The following PRIM2 variants were observed in gnomAD, a reference collection of about 807,000 sequenced individuals.
PRIM2 encodes the protein DNA primase large subunit.
PRIM2 carries 39 observed loss-of-function variants against 67.3 expected under a neutral mutation model. The observed-to-expected ratio is 0.58, with a 90% CI of 0.45 to 0.76. The LOEUF (loss-of-function observed/expected upper bound fraction) is 0.76, where lower values mean the gene tolerates loss of function less well. Among genes scored for constraint, PRIM2 ranks in the 30% least tolerant of loss-of-function variants. The probability of loss-of-function intolerance (pLI) is 0.00; values close to 1 mark genes in which losing one functional copy is unlikely to be tolerated. For synonymous variants in PRIM2, 143 were observed against 198.7 expected, an observed-to-expected ratio of 0.72 and a Z score of 2.36; for missense variants, 398 against 598.7, an observed-to-expected ratio of 0.66 and a Z score of 3.50.
At chr6:57,254,855 TTAGTTA>T in the PRIM2 span, among the ~76,000 whole-genome samples, 3 of 152,160 alleles carry the variant, frequency 2.0e-5, no homozygotes, top group African/African-American at 7.2e-5. Flanking sequence ...GATTCAGATC[TTAGTTA>T]TAGATTAGAA....
At chr6:57,298,323 T>G in the PRIM2 span, among the ~76,000 whole-genome samples, 1 of 152,086 alleles carries the variant, frequency 6.6e-6, no homozygotes, top group Non-Finnish European at 1.5e-5. Flanking sequence ...ATTGCGCCAT[T>G]GCACTCCATC....
intron 10 of PRIM2, among the ~76,000 whole-genome samples, chr6:57,539,931 T>C (rs1272589406): frequency 6.6e-6 from 1 of 150,862 alleles, no homozygotes; most frequent in Non-Finnish European, 1.5e-5. Flanking sequence ...GAGGTGGAGG[T>C]TGCAGTGAGC....
At chr6:57,496,616 T>C (rs1252436591) in intron 7 of PRIM2, among the ~76,000 whole-genome samples, 2 of 152,208 alleles carry the variant, frequency 1.3e-5, no homozygotes, top group African/African-American at 4.8e-5. Context: ...CTGGAAAACC[T>C]AGATAAGCGT....
At position 57,627,368 on chromosome 6, in the gene PRIM2, T is replaced by C. The variant is rs1469474187; in HGVS notation, c.1231-4765T>C. On this transcript the variant is annotated intron_variant, in intron 12 of 13. Transcript: ENST00000615550. ...ACCAAAATATTGTAGTTTGATGTCA[T>C]TGCTACTCACTTTTTCTTTCTTTGT... Among the ~76,000 whole-genome samples, 6 of 151,238 alleles carry C rather than the reference T, an allele frequency of 4.0e-5. No individual in the cohort carries two copies. In the East Asian group the frequency reaches 9.7e-4, roughly 25 times the overall value.
chr6:57,224,455 A>G, the PRIM2 span, among the ~76,000 whole-genome samples: 1 of 152,124 alleles, frequency 6.6e-6, no homozygotes, highest in Admixed American at 6.5e-5. Flanking sequence ...GGGAATGGGG[A>G]GTTACTGTTT....
upstream of PRIM2, among the ~76,000 whole-genome samples, chr6:57,312,464 T>G (rs923483378): frequency 2.6e-5 from 4 of 152,150 alleles, no homozygotes; most frequent in African/African-American, 9.7e-5. Flanking sequence ...ATAGCATCAC[T>G]GCACTCCAGC....
chr6:57,453,515 T>G (rs1244553530), intron 7 of PRIM2, among the ~76,000 whole-genome samples: 1 of 152,178 alleles, frequency 6.6e-6, no homozygotes, highest in South Asian at 2.1e-4. Flanking sequence ...CCTTGTAAGT[T>G]GGATTCCTAG....
the PRIM2 span, among the ~76,000 whole-genome samples, chr6:57,269,300 C>T: frequency 2.0e-5 from 3 of 150,022 alleles, no homozygotes; most frequent in South Asian, 2.1e-4. Flanking sequence ...CACCTGTTGT[C>T]TCCTGACTTT....
At chr6:57,562,795 A>T (rs1775663327) in intron 10 of PRIM2, among the ~76,000 whole-genome samples, 1 of 152,158 alleles carries the variant, frequency 6.6e-6, no homozygotes, top group Admixed American at 6.5e-5. Flanking sequence ...CCTTTCTCTC[A>T]TACCGATGCT....
chr6:57,331,523 G>C (rs1234463619), intron 5 of PRIM2, among the ~76,000 whole-genome samples: 1 of 152,104 alleles, frequency 6.6e-6, no homozygotes, highest in African/African-American at 2.4e-5. Context: ...GAATTAATCT[G>C]GGCCTGGGCT....
intron 7 of PRIM2, among the ~76,000 whole-genome samples, chr6:57,392,204 G>A (rs1277710622): frequency 5.3e-5 from 8 of 152,004 alleles, no homozygotes; most frequent in African/African-American, 7.2e-5. Flanking sequence ...GAATGCTAGC[G>A]ATTTCGTTCA....
chr6:57,628,154 C>T (rs1277327453), intron 12 of PRIM2, among the ~76,000 whole-genome samples: 29 of 150,768 alleles, frequency 1.9e-4, no homozygotes, highest in African/African-American at 7.2e-4. Context: ...AAATAGCAAG[C>T]CATGGACTCC....
the PRIM2 span, among the ~76,000 whole-genome samples, chr6:57,297,860 G>A: frequency 2.0e-5 from 3 of 152,144 alleles, no homozygotes; most frequent in African/African-American, 4.8e-5. Context: ...GCAGGGACAT[G>A]AAAGACAAAG....
chr6:57,424,733 A>G (rs4715687), intron 7 of PRIM2, among the ~76,000 whole-genome samples: 1 of 152,194 alleles, frequency 6.6e-6, no homozygotes, highest in Non-Finnish European at 1.5e-5. Flanking sequence ...AAATGGAAGA[A>G]ATTAGAATGT....
chr6:57,346,659 C>A (rs1468721570), intron 5 of PRIM2, among the ~76,000 whole-genome samples: 1 of 152,138 alleles, frequency 6.6e-6, no homozygotes. Flanking sequence ...TATAATCTTT[C>A]CCTCTTTCCT....
the PRIM2 span, among the ~76,000 whole-genome samples, chr6:57,238,756 A>G: frequency 2.6e-5 from 4 of 152,212 alleles, no homozygotes; most frequent in African/African-American, 9.6e-5. Flanking sequence ...AACCCTTCAA[A>G]AAATCAATGA....
intron 10 of PRIM2, among the ~76,000 whole-genome samples, chr6:57,573,721 T>C (rs2127482364): frequency 6.6e-6 from 1 of 152,316 alleles, no homozygotes; most frequent in South Asian, 2.1e-4. Flanking sequence ...GGATTTGTCT[T>C]TGGAAGTTTC....
chr6:57,316,472 G>A (rs577336025), upstream of PRIM2, among the ~76,000 whole-genome samples: 23 of 152,340 alleles, frequency 1.5e-4, no homozygotes, highest in African/African-American at 5.5e-4. Context: ...AATAAAATGA[G>A]TTGATATGTA....
chr6:57,277,686 A>G, the PRIM2 span, among the ~76,000 whole-genome samples: 1 of 152,018 alleles, frequency 6.6e-6, no homozygotes, highest in Admixed American at 6.6e-5. Context: ...ATTAGCATAG[A>G]TTAAAGATTC....
Sources: gnomAD v4.1 joint callset for allele counts (sites outside exome capture counted in the v4.1 genomes callset) on GRCh38, gnomAD v4.1.1 for gene constraint, MANE v1.5 for transcripts, NCBI Gene and HGNC (gene_info 2026-07-23, HGNC 2026-07-21) for gene names.